LRRIQ1: variants seen among roughly 807,000 people sequenced by gnomAD.
The protein encoded by LRRIQ1 is leucine rich repeats and IQ motif containing 1.
LRRIQ1 carries 210 observed loss-of-function variants against 211.9 expected under a neutral mutation model. The observed-to-expected ratio is 0.99, with a 90% confidence interval of 0.89 to 1.11. The LOEUF is 1.11. LRRIQ1 is among the 50% of genes most tolerant of loss of function. LRRIQ1 has a pLI of 0.00. For synonymous variants in LRRIQ1, 699 were observed against 650.1 expected, an observed-to-expected ratio of 1.08 and a Z score of -1.14; for missense variants, 2,136 against 1,939.5, an observed-to-expected ratio of 1.10 and a Z score of -1.90.
chr12:85,091,810 G>A (rs761821758), intron 11 of LRRIQ1, among the ~76,000 whole-genome samples: 10 of 152,132 alleles, frequency 6.6e-5, no homozygotes, highest in African/African-American at 1.4e-4. Context: ...ATAATTGTAC[G>A]TGTATGGCTT....
intron 24 of LRRIQ1, among the ~76,000 whole-genome samples, chr12:85,224,854 T>A (rs1894573512): frequency 6.6e-6 from 1 of 152,114 alleles, no homozygotes; most frequent in Non-Finnish European, 1.5e-5. Context: ...CTGCACATTC[T>A]GCACATGTAT....
Position 85,102,957 on chromosome 12 carries a change from A to AT in LRRIQ1, c.3210-1047_3210-1046insT, listed in dbSNP as rs1383729830. Reference sequence around the variant, plus strand: ...TTCTAATTGTGGCAAAAAAAAAAAAAAAATATATATATATATATATATATA... The same window carrying AT: ...TTCTAATTGTGGCAAAAAAAAAAAAATAAATATATATATATATATATATATA... On this transcript the variant is annotated intron_variant, in intron 13 of 26. Transcript: ENST00000393217. Among the ~76,000 whole-genome samples the AT allele has an allele frequency of 8.3e-3, 977 of 117,108 alleles. 5 individuals carry two copies. The highest frequency in any genetic ancestry group is 0.029 in the African/African-American group (825 of 28,648). 76.8% of individuals were successfully genotyped at this position (117,108 alleles called of 152,430 possible).
rs1334383886 is a variant in LRRIQ1, at chr12:85,221,626, G to C, written c.4823-7891G>C. On this transcript the variant is annotated intron_variant, in intron 24 of 26. Coordinates refer to ENST00000393217, the MANE Select transcript of LRRIQ1 (RefSeq NM_001079910.2). ...ACTGAGACCTAAAGACCTGAAGCAG[G>C]AATACCCTTGGCAAAGTGCATAGTC... 2.6e-5 allele frequency among the ~76,000 whole-genome samples: 4 copies of C among 152,090 alleles called. No homozygotes were observed. In the East Asian group the frequency reaches 7.7e-4, roughly 29 times the overall value.
At chr12:85,088,608 C>T (rs1358472686) in intron 11 of LRRIQ1, among the ~76,000 whole-genome samples, 2 of 151,982 alleles carry the variant, frequency 1.3e-5, no homozygotes, top group East Asian at 3.9e-4. Context: ...TGTTTGTGTC[C>T]TCTTTTATTT....
chr12:85,191,933 T>C (rs533597860), intron 24 of LRRIQ1, among the ~76,000 whole-genome samples: 33 of 152,094 alleles, frequency 2.2e-4, no homozygotes, highest in African/African-American at 7.9e-4. Context: ...GTGGTGTCTA[T>C]TCAGGTCTTT....
the LRRIQ1 span, among the ~76,000 whole-genome samples, chr12:85,271,969 A>G: frequency 1.8e-3 from 277 of 152,328 alleles, 2 homozygotes; most frequent in African/African-American, 6.3e-3. Context: ...GGATAAAGGT[A>G]CACCTTTAAT....
chr12:85,081,142 A>G (rs1263129049), intron 11 of LRRIQ1, among the ~76,000 whole-genome samples: 1 of 152,038 alleles, frequency 6.6e-6, no homozygotes, highest in Non-Finnish European at 1.5e-5. Flanking sequence ...TCTTAGGTCT[A>G]CTCTGATGAA....
intron 25 of LRRIQ1, among the ~76,000 whole-genome samples, chr12:85,230,235 T>A (rs1179850057): frequency 6.6e-6 from 1 of 152,210 alleles, no homozygotes; most frequent in Non-Finnish European, 1.5e-5. Flanking sequence ...GTATGTACCA[T>A]TTTGCTAGGG....
At chr12:85,126,270 G>A (rs1378628866) in intron 17 of LRRIQ1, among the ~76,000 whole-genome samples, 1 of 152,130 alleles carries the variant, frequency 6.6e-6, no homozygotes, top group East Asian at 1.9e-4. Flanking sequence ...AGGAATTCAT[G>A]CAATCAATGA....
In LRRIQ1 at chr12:85,244,882, G is replaced by A. The variant is rs773114283; in HGVS notation, c.5110G>A (p.Ala1704Thr). 3.6e-5 allele frequency: 58 copies of A among 1,611,312 alleles called. No individual in the cohort carries two copies. The highest frequency in any genetic ancestry group is 3.3e-4 in the Middle Eastern group (2 of 6,072). ...LSVNREKKNQ[A>T]HRHSAGSSSK... ...TGTGAACAGAGAAAAAAAAAATCAG[G>A]CACACAGACACTCAGCAGGATCTTC... The change falls in exon 27 of 27, where the codon GCA becomes ACA. Residue 1704 changes from alanine (A) to threonine (T), a missense_variant. Transcript: ENST00000393217.
chr12:85,113,368 G>A (rs1887323414), intron 15 of LRRIQ1, among the ~76,000 whole-genome samples: 2 of 151,876 alleles, frequency 1.3e-5, no homozygotes, highest in South Asian at 4.2e-4. Flanking sequence ...TTGTGTTGTA[G>A]CATTTCACTG....
At chr12:85,212,933 T>A (rs1893907417) in intron 24 of LRRIQ1, among the ~76,000 whole-genome samples, 2 of 146,874 alleles carry the variant, frequency 1.4e-5, no homozygotes. Flanking sequence ...GAATATGGAG[T>A]CAAGAAAGTA....
chr12:85,043,291 C>A (rs1341162219), intron 3 of LRRIQ1, among the ~76,000 whole-genome samples: 1 of 151,970 alleles, frequency 6.6e-6, no homozygotes, highest in African/African-American at 2.4e-5. Flanking sequence ...AGTCTGTAGT[C>A]ATCTGAAGGC....
chr12:85,156,761 A>G (rs1434544169), intron 23 of LRRIQ1, among the ~76,000 whole-genome samples: 4 of 151,722 alleles, frequency 2.6e-5, no homozygotes, highest in African/African-American at 9.7e-5. Context: ...TTAAGCCACT[A>G]GAGAGCAACA....
intron 24 of LRRIQ1, among the ~76,000 whole-genome samples, chr12:85,182,777 G>A (rs1383334659): frequency 2.6e-5 from 4 of 152,072 alleles, no homozygotes; most frequent in Admixed American, 2.6e-4. Context: ...ATAAGGGGTT[G>A]GATATCTTGG....
In LRRIQ1 at chr12:85,177,485, G is replaced by A. The variant is rs543685828; in HGVS notation, c.4822+16771G>A. 3.2e-4 allele frequency among the ~76,000 whole-genome samples: 48 copies of A among 152,194 alleles called. 1 individual carries two copies. Among genetic ancestry groups the A allele is most frequent in the East Asian group, 1.7e-3 (9 of 5,170 alleles). On this transcript the variant is annotated intron_variant, in intron 24 of 26. Coordinates refer to ENST00000393217, the MANE Select transcript of LRRIQ1 (RefSeq NM_001079910.2). ...GCTGAGTAAAAGTAACTAGGCAAGC[G>A]GGGGAGGTTGTGTAGAATGACTATT...
chr12:85,082,471 T>G (rs1338947804), intron 11 of LRRIQ1, among the ~76,000 whole-genome samples: 1 of 129,196 alleles, frequency 7.7e-6, no homozygotes, highest in Non-Finnish European at 1.6e-5. Context: ...CATTATTTCT[T>G]CAAATATTTT....
exon 2 of LRRIQ1, chr12:85,263,202 TAGTGG>T: frequency 3.1e-6 from 1 of 322,046 alleles, no homozygotes; most frequent in Non-Finnish European, 4.5e-6. Flanking sequence ...GTTTGTTTTC[TAGTGG>T]AGCTATCTTA....
intron 26 of LRRIQ1, among the ~76,000 whole-genome samples, chr12:85,240,823 T>C (rs917211756): frequency 6.6e-6 from 1 of 152,038 alleles, no homozygotes; most frequent in Non-Finnish European, 1.5e-5. Flanking sequence ...ATTATAGTAA[T>C]AGAGAAAACG....
Sources: gnomAD v4.1 joint callset for allele counts (sites outside exome capture counted in the v4.1 genomes callset) on GRCh38, gnomAD v4.1.1 for gene constraint, MANE v1.5 for transcripts, NCBI Gene and HGNC (gene_info 2026-07-23, HGNC 2026-07-21) for gene names.